PTPN2: variants seen among roughly 807,000 people sequenced by gnomAD.
PTPN2 encodes the protein protein tyrosine phosphatase non-receptor type 2.
Under a neutral mutation model 57.3 loss-of-function variants are expected in PTPN2, and 19 were observed. That is an observed-to-expected ratio of 0.33 (90% CI 0.23 to 0.49). PTPN2 has a LOEUF of 0.49. Ranked by LOEUF, PTPN2 falls within the 20% of genes least tolerant of loss-of-function variation. PTPN2 has a pLI of 0.99. For synonymous variants in PTPN2, 153 were observed against 164.9 expected (o/e 0.93, Z 0.55); for missense variants, 358 against 501.1 (o/e 0.71, Z 2.73).
At chr18:12,787,132 C>G (rs747469862) in intron 9 of PTPN2, 3 of 152,188 alleles carry the variant, frequency 2.0e-5, no homozygotes, top group Admixed American at 6.5e-5. Flanking sequence ...GTAGTTCAAA[C>G]TGGTGCACAA....
At chr18:12,822,392 A>G (rs2042301692) in intron 5 of PTPN2, among the ~76,000 whole-genome samples, 1 of 152,214 alleles carries the variant, frequency 6.6e-6, no homozygotes, top group Non-Finnish European at 1.5e-5. Context: ...AAACTGAAAG[A>G]CAAGTACTCT....
chr18:12,807,337 T>C (rs1396280684), intron 7 of PTPN2, among the ~76,000 whole-genome samples: 1 of 151,742 alleles, frequency 6.6e-6, no homozygotes, highest in Non-Finnish European at 1.5e-5. Context: ...TGGTGGAATG[T>C]AAATTAGTAC....
chr18:12,876,679 C>T (rs1228060764), intron 1 of PTPN2, among the ~76,000 whole-genome samples: 1 of 152,188 alleles, frequency 6.6e-6, no homozygotes, highest in Non-Finnish European at 1.5e-5. Flanking sequence ...GTGGTCTTTA[C>T]CTTTTGAGGG....
At chr18:12,829,932 C>A (rs1218242204) in intron 4 of PTPN2, among the ~76,000 whole-genome samples, 1 of 152,128 alleles carries the variant, frequency 6.6e-6, no homozygotes, top group Non-Finnish European at 1.5e-5. Context: ...AATAATTAAA[C>A]CTGACTCTTG....
At chr18:12,804,932 G>T (rs1235821182) in intron 7 of PTPN2, among the ~76,000 whole-genome samples, 1 of 152,060 alleles carries the variant, frequency 6.6e-6, no homozygotes, top group Non-Finnish European at 1.5e-5. Flanking sequence ...AAAACTACAG[G>T]CCAATATCCT....
intron 3 of PTPN2, among the ~76,000 whole-genome samples, chr18:12,832,400 A>G (rs909067827): frequency 6.6e-6 from 1 of 152,160 alleles, no homozygotes; most frequent in Non-Finnish European, 1.5e-5. Context: ...TACAGGTATC[A>G]GCCATGGTGC....
intron 2 of PTPN2, among the ~76,000 whole-genome samples, chr18:12,854,350 A>C (rs768852119): frequency 2.6e-5 from 3 of 116,664 alleles, no homozygotes; most frequent in Non-Finnish European, 5.1e-5. Context: ...ACAGAGCCAG[A>C]CCCTGTCTTG....
chr18:12,807,000 C>T (rs995219214), intron 7 of PTPN2, among the ~76,000 whole-genome samples: 1 of 152,086 alleles, frequency 6.6e-6, no homozygotes, highest in Non-Finnish European at 1.5e-5. Context: ...AAGAGACAAT[C>T]TACAGAATGG....
At chr18:12,807,605 A>ATATATATATATATATATATAT (rs1555660843) in intron 7 of PTPN2, among the ~76,000 whole-genome samples, 1 of 110,512 alleles carries the variant, frequency 9.0e-6, no homozygotes, top group Non-Finnish European at 1.9e-5. Context: ...ATATATATAT[A>ATATATATATATATATATATAT]ATATAATACT....
At chr18:12,809,327 CA>C (rs1468945373) in intron 7 of PTPN2, among the ~76,000 whole-genome samples, 3 of 152,228 alleles carry the variant, frequency 2.0e-5, no homozygotes, top group African/African-American at 7.2e-5. Context: ...CACTTGTCAC[CA>C]TTCCTAGGGA....
At chr18:12,823,750 A>G (rs2042350609) in intron 5 of PTPN2, among the ~76,000 whole-genome samples, 1 of 152,182 alleles carries the variant, frequency 6.6e-6, no homozygotes, top group Non-Finnish European at 1.5e-5. Flanking sequence ...AAAAATTCCT[A>G]TAACCTAATG....
At chr18:12,863,553 G>GTTT (rs1491065274) in intron 1 of PTPN2, 1 of 32,036 alleles carries the variant, frequency 3.1e-5, no homozygotes, top group Non-Finnish European at 5.2e-5. Flanking sequence ...ATTTTTTTTG[G>GTTT]GGGGGGGGGG....
chr18:12,841,033 T>C, intron 2 of PTPN2: 3 of 1,345,896 alleles, frequency 2.2e-6, no homozygotes, highest in South Asian at 1.6e-5. Flanking sequence ...AGGTAAGACA[T>C]TATTTGTTTG....
At chr18:12,853,605 G>GCAC (rs2043471448) in intron 2 of PTPN2, among the ~76,000 whole-genome samples, 1 of 152,172 alleles carries the variant, frequency 6.6e-6, no homozygotes, top group African/African-American at 2.4e-5. Flanking sequence ...AGGTTGTTGA[G>GCAC]CTGGTATTTG....
chr18:12,836,292 A>G (rs1319954669), intron 3 of PTPN2, among the ~76,000 whole-genome samples: 3 of 152,228 alleles, frequency 2.0e-5, no homozygotes, highest in Non-Finnish European at 4.4e-5. Context: ...GGCCACAGGG[A>G]GCACAAGGCC....
downstream of PTPN2, among the ~76,000 whole-genome samples, chr18:12,789,825 CTTTATT>C (rs1317931782): frequency 6.6e-6 from 1 of 151,380 alleles, no homozygotes; most frequent in African/African-American, 2.4e-5. Context: ...TTTAAAATAT[CTTTATT>C]TTTATATCTA....
chr18:12,841,753 C>T (rs2043053265), intron 2 of PTPN2, among the ~76,000 whole-genome samples: 1 of 152,032 alleles, frequency 6.6e-6, no homozygotes, highest in South Asian at 2.1e-4. Flanking sequence ...TTAATCTGTC[C>T]CCAAGAGTCT....
intron 7 of PTPN2, among the ~76,000 whole-genome samples, chr18:12,803,771 A>G (rs534859177): frequency 3.3e-5 from 5 of 152,336 alleles, no homozygotes; most frequent in African/African-American, 1.2e-4. Flanking sequence ...CTGCAATACA[A>G]TAATAGCAGG....
chr18:12,883,879 T>TC (rs2044758144), intron 1 of PTPN2, 194 bp downstream of exon 1: 1 of 507,100 alleles, frequency 2.0e-6, no homozygotes, highest in Admixed American at 3.7e-5. Flanking sequence ...GCTTTTTTTT[T>TC]TTTTTTTTTT....
Sources: allele counts gnomAD v4.1 joint callset (sites outside exome capture counted in the v4.1 genomes callset), GRCh38; gene constraint gnomAD v4.1.1; transcripts MANE v1.5; gene names NCBI Gene and HGNC (gene_info 2026-07-23, HGNC 2026-07-21).